MTHFD1L: variants seen among roughly 807,000 people sequenced by gnomAD.
MTHFD1L encodes methylenetetrahydrofolate dehydrogenase (NADP+ dependent) 1 like.
A neutral mutation model predicts 119.5 loss-of-function variants in MTHFD1L; 81 were observed. That is an observed-to-expected ratio of 0.68 (90% CI 0.57 to 0.82). The LOEUF (loss-of-function observed/expected upper bound fraction) is 0.82, where lower values mean the gene tolerates loss of function less well. MTHFD1L is among the 40% of genes least tolerant of loss of function. The pLI is 0.00. For missense variants in MTHFD1L, 1,125 were observed against 1,253.4 expected (o/e 0.90, Z 1.55); for synonymous variants, 430 against 475.2 (o/e 0.90, Z 1.24).
At chr6:150,917,685 A>G (rs1788214450) in intron 8 of MTHFD1L, among the ~76,000 whole-genome samples, 2 of 152,172 alleles carry the variant, frequency 1.3e-5, no homozygotes, top group South Asian at 4.1e-4. Flanking sequence ...CAAGAACTTT[A>G]TATACCTTAT....
chr6:150,948,909 A>G (rs1794460163), intron 15 of MTHFD1L, 122 bp from the exon 16 acceptor site: 1 of 798,390 alleles, frequency 1.3e-6, no homozygotes, highest in Non-Finnish European at 2.0e-6. Context: ...CCAAAGTGCC[A>G]GTTTAGTTTT....
At chr6:151,014,373 T>C (rs1465093808) in intron 22 of MTHFD1L, among the ~76,000 whole-genome samples, 1 of 152,252 alleles carries the variant, frequency 6.6e-6, no homozygotes, top group Non-Finnish European at 1.5e-5. Flanking sequence ...ACTCAAGGTC[T>C]CCAGGTCAGA....
chr6:151,095,522 G>A (rs1285067155), intron 27 of MTHFD1L, among the ~76,000 whole-genome samples: 2 of 152,160 alleles, frequency 1.3e-5, no homozygotes, highest in Non-Finnish European at 1.5e-5. Context: ...CTGTAGTTAG[G>A]ACTCAGGTCC....
chr6:151,049,716 G>A (rs566640265), intron 26 of MTHFD1L, among the ~76,000 whole-genome samples: 158 of 151,208 alleles, frequency 1.0e-3, no homozygotes, highest in Non-Finnish European at 2.0e-3. Flanking sequence ...GTTCAATTAA[G>A]TTCCTAGGAT....
At chr6:151,050,897 G>T (rs1004443039) in intron 26 of MTHFD1L, among the ~76,000 whole-genome samples, 2 of 152,126 alleles carry the variant, frequency 1.3e-5, no homozygotes, top group Non-Finnish European at 2.9e-5. Context: ...CATAGGGCAT[G>T]GTCTGTGGAG....
At chr6:150,940,572 CTTTTA>C (rs144157570) in intron 13 of MTHFD1L, among the ~76,000 whole-genome samples, 1 of 150,008 alleles carries the variant, frequency 6.7e-6, no homozygotes, top group African/African-American at 2.5e-5. Context: ...GAGAGAGCTA[CTTTTA>C]TTTTATTTTA....
At chr6:151,019,373 A>G (rs1279957311) in intron 24 of MTHFD1L, among the ~76,000 whole-genome samples, 2 of 152,216 alleles carry the variant, frequency 1.3e-5, no homozygotes, top group African/African-American at 4.8e-5. Flanking sequence ...ATCAGAAGAA[A>G]TGCTTCTGAG....
intron 20 of MTHFD1L, among the ~76,000 whole-genome samples, chr6:150,986,940 G>A (rs1010131948): frequency 2.6e-5 from 4 of 152,128 alleles, no homozygotes; most frequent in African/African-American, 9.7e-5. Context: ...GACCTCAAGT[G>A]ATCTGCCCCC....
rs948815715 is a variant in MTHFD1L at position 151,012,037 on chromosome 6, A to C, written c.2266-1742A>C. Among the ~76,000 whole-genome samples, 492 of 146,704 alleles carry C rather than the reference A, an allele frequency of 3.4e-3. 8 individuals carry two copies. The highest frequency in any genetic ancestry group is 0.011 in the African/African-American group (427 of 40,296). On this transcript the variant is annotated intron_variant, in intron 21 of 27. Transcript: ENST00000367321. Reference sequence around the variant, plus strand: ...ACAACAACAAAAAAAAAAAAAAAAAAAAAAAAAAAAAAAACCAGCAGGGAC... The same window carrying C: ...ACAACAACAAAAAAAAAAAAAAAAACAAAAAAAAAAAAAACCAGCAGGGAC...
chr6:151,088,667 C>T (rs1047466232), intron 26 of MTHFD1L, among the ~76,000 whole-genome samples: 43 of 132,914 alleles, frequency 3.2e-4, no homozygotes, highest in Non-Finnish European at 5.4e-4. Context: ...GACAGAGTTT[C>T]GCCATGTTGG....
intron 26 of MTHFD1L, among the ~76,000 whole-genome samples, chr6:151,068,612 G>T (rs1449708218): frequency 1.3e-5 from 2 of 152,120 alleles, no homozygotes; most frequent in East Asian, 3.8e-4. Context: ...AGGAGACTCT[G>T]TAAATATTCT....
chr6:150,883,355 A>G (rs997598191), intron 5 of MTHFD1L, among the ~76,000 whole-genome samples: 1 of 152,200 alleles, frequency 6.6e-6, no homozygotes, highest in Non-Finnish European at 1.5e-5. Context: ...AAAATTCTGC[A>G]TGCAAAAGTT....
intron 7 of MTHFD1L, among the ~76,000 whole-genome samples, chr6:150,904,783 A>G (rs111936414): frequency 3.9e-5 from 6 of 152,306 alleles, no homozygotes; most frequent in African/African-American, 1.4e-4. Context: ...CAAAATGCAA[A>G]TAGGATGGAC....
intron 24 of MTHFD1L, chr6:151,022,130 G>A (rs550293891): frequency 2.1e-5 from 10 of 465,310 alleles, no homozygotes; most frequent in East Asian, 1.4e-4. Flanking sequence ...TGAACTTCAC[G>A]CTCTCACTGC....
chr6:150,947,590 G>A (rs1001019487), intron 15 of MTHFD1L, among the ~76,000 whole-genome samples: 1 of 149,218 alleles, frequency 6.7e-6, no homozygotes, highest in African/African-American at 2.4e-5. Context: ...AAAATTGGCT[G>A]GGCATTAAAA....
chr6:150,945,342 T>TA, intron 14 of MTHFD1L, 125 bp from the exon 15 acceptor site: 1 of 687,520 alleles, frequency 1.5e-6, no homozygotes, highest in Admixed American at 3.1e-5. Flanking sequence ...CCACAAATTT[T>TA]AATAGGGTCT....
chr6:151,096,613 C>T (rs1442408736), intron 27 of MTHFD1L, among the ~76,000 whole-genome samples: 1 of 152,180 alleles, frequency 6.6e-6, no homozygotes, highest in African/African-American at 2.4e-5. Flanking sequence ...ACAGCTTGGA[C>T]AAACGTGGGC....
At chr6:150,980,506 C>T (rs1469515307) in intron 20 of MTHFD1L, among the ~76,000 whole-genome samples, 1 of 152,136 alleles carries the variant, frequency 6.6e-6, no homozygotes, top group Non-Finnish European at 1.5e-5. Context: ...ATGTTACAAA[C>T]ACCCATGTTC....
chr6:150,941,318 T>G (rs1390695580), intron 13 of MTHFD1L, among the ~76,000 whole-genome samples: 1 of 152,162 alleles, frequency 6.6e-6, no homozygotes. Flanking sequence ...TAGAGAAGTG[T>G]GCAGGCGCCA....
Sources: allele counts gnomAD v4.1 joint callset (sites outside exome capture counted in the v4.1 genomes callset), GRCh38; gene constraint gnomAD v4.1.1; transcripts MANE v1.5; gene names NCBI Gene and HGNC (gene_info 2026-07-23, HGNC 2026-07-21).